The following PRKAR1B variants were observed in gnomAD, a reference collection of about 807,000 sequenced individuals.
The protein encoded by PRKAR1B is protein kinase cAMP-dependent type I regulatory subunit beta.
Under a neutral mutation model 46.5 loss-of-function variants are expected in PRKAR1B, and 22 were observed. That is an observed-to-expected ratio of 0.47 (90% CI 0.34 to 0.68). The LOEUF is 0.68. Among genes scored for constraint, PRKAR1B ranks in the 30% least tolerant of loss-of-function variants. The pLI, the probability that PRKAR1B is intolerant of heterozygous loss-of-function variation, is 0.01. For synonymous variants in PRKAR1B, 259 were observed against 217.7 expected (o/e 1.19, Z -1.67); for missense variants, 445 against 535.6 (o/e 0.83, Z 1.67).
At chr7:675,296 C>T (rs991053734) in intron 4 of PRKAR1B, among the ~76,000 whole-genome samples, 1 of 152,238 alleles carries the variant, frequency 6.6e-6, no homozygotes, top group African/African-American at 2.4e-5. Context: ...GAGAACAATG[C>T]GTCTAGTGTG....
rs186295717 is a variant in PRKAR1B at position 571,460 on chromosome 7, A to G, written c.891+7796T>C. Among the ~76,000 whole-genome samples the G allele has an allele frequency of 3.9e-3, 593 of 152,328 alleles. 3 individuals are homozygous for G. The highest frequency in any genetic ancestry group is 6.1e-3 in the Non-Finnish European group (412 of 68,028). ...GGCGCGGGGCTCTGATGAGCCAGGA[A>G]AAGTTCCCAGGCCCAAGGGCAGCTT... On this transcript the variant is annotated intron_variant, in intron 9 of 10. Coordinates refer to ENST00000537384, the MANE Select transcript of PRKAR1B (RefSeq NM_001164760.2).
chr7:607,135 C>G (rs1190348051), intron 5 of PRKAR1B, among the ~76,000 whole-genome samples: 1 of 152,178 alleles, frequency 6.6e-6, no homozygotes, highest in Non-Finnish European at 1.5e-5. Context: ...TCTGGAGCAG[C>G]TGGGATTACA....
chr7:607,085 C>A (rs1374625961), intron 5 of PRKAR1B, among the ~76,000 whole-genome samples: 6 of 152,246 alleles, frequency 3.9e-5, no homozygotes, highest in African/African-American at 1.2e-4. Flanking sequence ...CCCACTGCAA[C>A]CTCCGCCTCC....
At chr7:647,805 CAAAAAAAAAAAAA>C (rs769761277) in intron 4 of PRKAR1B, among the ~76,000 whole-genome samples, 3 of 17,882 alleles carry the variant, frequency 1.7e-4, no homozygotes, top group African/African-American at 3.6e-4. Context: ...ACTTCGTCTC[CAAAAAAAAAAAAA>C]AAAAAAAAAA....
At position 560,122 on chromosome 7, in the gene PRKAR1B, C is replaced by T. The variant is rs1021816245; in HGVS notation, c.892-8652G>A. On this transcript the variant is annotated intron_variant, in intron 9 of 10. Coordinates refer to ENST00000537384, the MANE Select transcript of PRKAR1B (RefSeq NM_001164760.2). This position sits in a 1 kb window ranked among gnomAD's most constrained non-coding sequence, Gnocchi z 4.2. Reference sequence around the variant, plus strand: ...TAATCCCCACGTGTTGTGGGAGGGACCCAGGGGGCGGTAACTGAATCATGG... The same window carrying T: ...TAATCCCCACGTGTTGTGGGAGGGATCCAGGGGGCGGTAACTGAATCATGG... Among the ~76,000 whole-genome samples the T allele has an allele frequency of 6.6e-6, 1 of 152,012 alleles. No individual in the cohort carries two copies. The highest frequency in any genetic ancestry group is 1.5e-5 in the Non-Finnish European group (1 of 68,000).
At position 550,611 on chromosome 7, in the gene PRKAR1B, TGAA is replaced by T; in HGVS notation, c.974-12_974-10del. The T allele has an allele frequency of 6.5e-7, 1 of 1,548,038 alleles. No homozygotes were observed. On this transcript the variant is annotated splice_polypyrimidine_tract_variant and intron_variant, in intron 10 of 10. Transcript: ENST00000537384. ...CAGCAGTGCAATCTCCCCTGGGGGT[TGAA>T]GAGAGAGGTCAGGGCTGGGCCTGGG...
chr7:653,483 C>T (rs1421424553), intron 4 of PRKAR1B, among the ~76,000 whole-genome samples: 2 of 152,180 alleles, frequency 1.3e-5, no homozygotes, highest in African/African-American at 4.8e-5. Flanking sequence ...ACTCTCTTTG[C>T]TTCTCATGGG....
At chr7:694,697 C>T (rs909322414) in intron 2 of PRKAR1B, among the ~76,000 whole-genome samples, 5 of 152,046 alleles carry the variant, frequency 3.3e-5, no homozygotes, top group South Asian at 2.1e-4. Context: ...TGCACGAGTT[C>T]GTTACTGCCC....
chr7:575,644 C>T (rs1260004588), intron 9 of PRKAR1B, among the ~76,000 whole-genome samples: 1 of 152,262 alleles, frequency 6.6e-6, no homozygotes, highest in Admixed American at 6.5e-5. Context: ...CTCCTGAGCT[C>T]AAGCGATCCT....
intron 6 of PRKAR1B, among the ~76,000 whole-genome samples, chr7:604,591 G>A (rs901702368): frequency 3.9e-5 from 6 of 152,226 alleles, no homozygotes; most frequent in African/African-American, 1.2e-4. Flanking sequence ...ACGGGGAGGC[G>A]GGACCCCTGA....
intron 2 of PRKAR1B, among the ~76,000 whole-genome samples, chr7:692,584 G>C (rs1476837627): frequency 6.6e-6 from 1 of 152,200 alleles, no homozygotes; most frequent in Admixed American, 6.5e-5. Context: ...AGGGAGTTGA[G>C]AGAGGTTGGT....
At chr7:605,351 G>A (rs942990042) in intron 6 of PRKAR1B, among the ~76,000 whole-genome samples, 1 of 152,198 alleles carries the variant, frequency 6.6e-6, no homozygotes, top group African/African-American at 2.4e-5. Context: ...CTGCCGTGCG[G>A]GGGGCGGCCT....
chr7:609,585 G>A (rs547818812), intron 4 of PRKAR1B, among the ~76,000 whole-genome samples: 5 of 152,334 alleles, frequency 3.3e-5, no homozygotes, highest in East Asian at 1.9e-4. Context: ...CGTGAAAAGC[G>A]TGCATTTCCA....
At chr7:584,418 C>T in intron 8 of PRKAR1B, 90 bp downstream of exon 8, 1 of 1,140,850 alleles carries the variant, frequency 8.8e-7, no homozygotes, top group Non-Finnish European at 1.3e-6. Flanking sequence ...ACTCAACTGC[C>T]AGCCACGCAG....
chr7:568,470 C>G (rs1194673136), intron 9 of PRKAR1B, among the ~76,000 whole-genome samples: 1 of 152,234 alleles, frequency 6.6e-6, no homozygotes, highest in African/African-American at 2.4e-5. Context: ...GACCATTGTT[C>G]ACCACCTGGA....
intron 7 of PRKAR1B, 35 bp downstream of exon 7, chr7:596,111 G>A (rs367843062): frequency 6.3e-7 from 1 of 1,597,702 alleles, no homozygotes; most frequent in Admixed American, 1.7e-5. Context: ...CCAAGGGTGG[G>A]TGTTGGCCTT....
intron 7 of PRKAR1B, among the ~76,000 whole-genome samples, chr7:590,918 C>CGAGAGCG (rs1226948209): frequency 6.6e-6 from 1 of 152,162 alleles, no homozygotes; most frequent in African/African-American, 2.4e-5. Context: ...TGTCTGCCCC[C>CGAGAGCG]GAGAGCGGAG....
At chr7:553,971 G>A (rs919069876) in intron 9 of PRKAR1B, among the ~76,000 whole-genome samples, 1 of 152,280 alleles carries the variant, frequency 6.6e-6, no homozygotes, top group African/African-American at 2.4e-5. Flanking sequence ...GGGAGACAGG[G>A]AGCGTGCCCT....
chr7:554,349 G>A (rs1333121240), intron 9 of PRKAR1B, among the ~76,000 whole-genome samples: 3 of 152,278 alleles, frequency 2.0e-5, no homozygotes, highest in Non-Finnish European at 4.4e-5. Flanking sequence ...CCATCACGCT[G>A]ACCTTGCGGA....
Sources: allele counts gnomAD v4.1 joint callset (sites outside exome capture counted in the v4.1 genomes callset), GRCh38; gene constraint gnomAD v4.1.1; non-coding constraint Gnocchi (gnomAD v3.1); transcripts MANE v1.5; gene names NCBI Gene and HGNC (gene_info 2026-07-23, HGNC 2026-07-21).